KCNH7: variants seen among roughly 807,000 people sequenced by gnomAD.
KCNH7 encodes voltage-gated inwardly rectifying potassium channel KCNH7.
KCNH7 carries 49 observed loss-of-function variants against 120.8 expected under a neutral mutation model. The observed-to-expected ratio is 0.41, with a 90% CI of 0.32 to 0.51. KCNH7 has a LOEUF of 0.51. KCNH7 is among the 20% of genes least tolerant of loss of function. KCNH7 has a pLI of 0.38. For missense variants in KCNH7, 1,097 were observed against 1,446.6 expected (o/e 0.76, Z 3.92); for synonymous variants, 547 against 516.1 (o/e 1.06, Z -0.81).
intron 2 of KCNH7, among the ~76,000 whole-genome samples, chr2:162,748,909 T>C (rs997898310): frequency 4.2e-5 from 3 of 72,038 alleles, no homozygotes; most frequent in Non-Finnish European, 4.5e-5. Context: ...CTTCCTTCCT[T>C]CCTTCCCTTC....
At chr2:162,693,546 G>T (rs990356096) in intron 2 of KCNH7, among the ~76,000 whole-genome samples, 7 of 152,146 alleles carry the variant, frequency 4.6e-5, no homozygotes, top group African/African-American at 1.4e-4. Context: ...AGAGTGAAAG[G>T]TTATTTTCAA....
chr2:162,473,079 G>A (rs534644525), intron 6 of KCNH7, among the ~76,000 whole-genome samples: 27 of 152,150 alleles, frequency 1.8e-4, no homozygotes, highest in Admixed American at 1.5e-3. Flanking sequence ...TGTGGGGTAG[G>A]GGGAGAGGGG....
At chr2:162,494,374 T>G (rs1690424583) in intron 6 of KCNH7, among the ~76,000 whole-genome samples, 1 of 152,162 alleles carries the variant, frequency 6.6e-6, no homozygotes, top group Non-Finnish European at 1.5e-5. Flanking sequence ...TTCAATGTTG[T>G]CTTTCCTGAC....
intron 2 of KCNH7, among the ~76,000 whole-genome samples, chr2:162,834,276 C>A (rs1374978336): frequency 6.6e-6 from 1 of 152,020 alleles, no homozygotes; most frequent in African/African-American, 2.4e-5. Context: ...TTATTACTTT[C>A]AAAGCAAACA....
chr2:162,826,799 G>A (rs926349877), intron 2 of KCNH7, among the ~76,000 whole-genome samples: 6 of 152,092 alleles, frequency 3.9e-5, no homozygotes, highest in Non-Finnish European at 7.4e-5. Flanking sequence ...TCAACATGGA[G>A]TGGGAAAGAC....
chr2:162,623,062 A>G (rs991473987), intron 2 of KCNH7, among the ~76,000 whole-genome samples: 7 of 152,154 alleles, frequency 4.6e-5, no homozygotes, highest in African/African-American at 1.7e-4. Context: ...TAGAATTTAG[A>G]CAGATTTTAT....
At chr2:162,611,424 A>G (rs1188088690) in intron 2 of KCNH7, among the ~76,000 whole-genome samples, 1 of 152,146 alleles carries the variant, frequency 6.6e-6, no homozygotes, top group Non-Finnish European at 1.5e-5. Flanking sequence ...TGTGAGATAC[A>G]CTCTGCTCTC....
At chr2:162,379,790 A>T (rs779209787) in intron 14 of KCNH7, 63 bp downstream of exon 14, 8 of 1,495,804 alleles carry the variant, frequency 5.3e-6, no homozygotes, top group Non-Finnish European at 7.3e-6. Context: ...ATTTGTAAGG[A>T]GTAAAACTGG....
At chr2:162,579,654 G>A (rs970322462) in intron 2 of KCNH7, among the ~76,000 whole-genome samples, 2 of 152,020 alleles carry the variant, frequency 1.3e-5, no homozygotes, top group African/African-American at 4.8e-5. Flanking sequence ...GGGGACAGAT[G>A]AAAAGTACCA....
chr2:162,671,392 GT>G (rs71410023), intron 2 of KCNH7, among the ~76,000 whole-genome samples: 211 of 143,092 alleles, frequency 1.5e-3, no homozygotes, highest in Admixed American at 1.8e-3. Flanking sequence ...ATGAAATCAT[GT>G]TTTTTTTTTT....
At chr2:162,689,143 CTATTATTAT>C (rs148007770) in intron 2 of KCNH7, among the ~76,000 whole-genome samples, 20 of 149,754 alleles carry the variant, frequency 1.3e-4, no homozygotes, top group African/African-American at 4.4e-4. Context: ...CATTTAGTTA[CTATTATTAT>C]TATTATTATT....
chr2:162,576,678 G>A (rs1354476963), intron 2 of KCNH7, among the ~76,000 whole-genome samples: 1 of 151,572 alleles, frequency 6.6e-6, no homozygotes, highest in African/African-American at 2.4e-5. Context: ...CTGTTTACAA[G>A]AGGGTACAAC....
chr2:162,727,443 T>C (rs1016254253), intron 2 of KCNH7, among the ~76,000 whole-genome samples: 5 of 152,164 alleles, frequency 3.3e-5, no homozygotes, highest in African/African-American at 1.2e-4. Flanking sequence ...ATAAAAATCA[T>C]CACCATGCAA....
intron 6 of KCNH7, among the ~76,000 whole-genome samples, chr2:162,497,523 T>A (rs1424798037): frequency 1.3e-5 from 2 of 152,252 alleles, no homozygotes; most frequent in East Asian, 3.9e-4. Flanking sequence ...CAGTCAAATG[T>A]TACAAGTATG....
chr2:162,494,813 C>T (rs1211841280), intron 6 of KCNH7, among the ~76,000 whole-genome samples: 1 of 151,996 alleles, frequency 6.6e-6, no homozygotes, highest in Non-Finnish European at 1.5e-5. Flanking sequence ...TAGAGGGAAG[C>T]ATATGGGACT....
At chr2:162,623,280 T>C (rs1322307991) in intron 2 of KCNH7, among the ~76,000 whole-genome samples, 1 of 152,212 alleles carries the variant, frequency 6.6e-6, no homozygotes, top group South Asian at 2.1e-4. Flanking sequence ...AAAATGTTTA[T>C]ATTTCAAAAA....
Position 162,569,832 on chromosome 2 carries a change from G to A in KCNH7, c.308-32752C>T, listed in dbSNP as rs574678507. Among the ~76,000 whole-genome samples the A allele has an allele frequency of 4.5e-5, 6 of 132,310 alleles. No individual in the cohort carries two copies. In the South Asian group the frequency reaches 1.6e-3, roughly 35 times the overall value. The allele number at this position is 132,310 out of a possible 152,430, so 86.8% of individuals were successfully genotyped here. ...CAGGTTGTTCAGTGTCCATGTAGTT[G>A]AGTGGTTTTGAGTGAGATTCTTAAT... On this transcript the variant is annotated intron_variant, in intron 2 of 15. Transcript: ENST00000332142.
intron 2 of KCNH7, among the ~76,000 whole-genome samples, chr2:162,633,050 T>C (rs933731923): frequency 1.3e-5 from 2 of 151,866 alleles, no homozygotes; most frequent in African/African-American, 4.8e-5. Flanking sequence ...CTTGGAAAAG[T>C]ATTTGCAAGT....
chr2:162,540,525 C>T (rs2105834564), intron 2 of KCNH7, among the ~76,000 whole-genome samples: 1 of 152,182 alleles, frequency 6.6e-6, no homozygotes, highest in Non-Finnish European at 1.5e-5. Context: ...TTTTGAACTG[C>T]TTTAAAGGCG....
Sources: gnomAD v4.1 joint callset for allele counts (sites outside exome capture counted in the v4.1 genomes callset) on GRCh38, gnomAD v4.1.1 for gene constraint, MANE v1.5 for transcripts, NCBI Gene and HGNC (gene_info 2026-07-23, HGNC 2026-07-21) for gene names.